The following SLC23A1 variants were observed in gnomAD, a reference collection of about 807,000 sequenced individuals.
SLC23A1 encodes solute carrier family 23 member 1, also known as Na(+)/L-ascorbic acid transporter 1.
In SLC23A1, 31 loss-of-function variants were observed where a neutral mutation model predicts 62.5. That is an observed-to-expected ratio of 0.50 (90% CI 0.37 to 0.67). SLC23A1 has a LOEUF of 0.67. Ranked by LOEUF, SLC23A1 falls within the 30% of genes least tolerant of loss-of-function variation. SLC23A1 has a pLI of 0.00. For missense variants in SLC23A1, 640 were observed against 782.7 expected (o/e 0.82, Z 2.18); for synonymous variants, 271 against 313.2 (o/e 0.87, Z 1.42).
chr5:139,372,340 T>C (rs1757714979), intron 13 of SLC23A1, 87 bp from the exon 14 acceptor site: 3 of 1,229,586 alleles, frequency 2.4e-6, no homozygotes, highest in East Asian at 4.7e-5. Context: ...GGCAGACTTC[T>C]GGAATCAAGT....
chr5:139,380,487 C>T (rs753890175), intron 5 of SLC23A1, 78 bp downstream of exon 5: 1 of 1,596,698 alleles, frequency 6.3e-7, no homozygotes, highest in Non-Finnish European at 8.6e-7. Context: ...CTCAAATCCC[C>T]AAACTCAGCG....
intron 14 of SLC23A1, among the ~76,000 whole-genome samples, chr5:139,367,969 C>T (rs905300471): frequency 2.0e-5 from 3 of 150,976 alleles, no homozygotes; most frequent in African/African-American, 2.4e-5. Flanking sequence ...TTTAGGAGGC[C>T]GAGGCAGGCA....
rs973230835 is a variant in SLC23A1 at position 139,379,653 on chromosome 5, G to A, written c.925+25C>T. 1.9e-6 allele frequency: 3 copies of A among 1,591,492 alleles called. No individual in the cohort carries two copies. The highest frequency in any genetic ancestry group is 3.3e-4 in the Middle Eastern group (2 of 6,038). ...TCATAGGTGGTCTCAGTTGGGGGCAGAGGGGCCCAAGGGGTGTTGCTCACA... is the reference window on the plus strand; with the variant it reads ...TCATAGGTGGTCTCAGTTGGGGGCAAAGGGGCCCAAGGGGTGTTGCTCACA... On this transcript the variant is annotated intron_variant, in intron 8 of 14. Coordinates refer to ENST00000348729, the MANE Select transcript of SLC23A1 (RefSeq NM_005847.5). The surrounding 1 kb of genome is among the most constrained non-coding windows in gnomAD (Gnocchi z 4.7).
In SLC23A1 at chr5:139,379,393, G is replaced by A; in HGVS notation, c.926-39C>T. 3.1e-6 allele frequency: 5 copies of A among 1,605,088 alleles called. No individual in the cohort carries two copies. Among genetic ancestry groups the A allele is most frequent in the Non-Finnish European group, 4.3e-6 (5 of 1,172,136 alleles). ...GAGACAGGATGGTGGCTACAGTGAG[G>A]AGACTGTGATGGTTAGGAATAGACA... On this transcript the variant is annotated intron_variant, in intron 8 of 14. Transcript: ENST00000348729. The surrounding 1 kb of genome is among the most constrained non-coding windows in gnomAD (Gnocchi z 4.7).
intron 13 of SLC23A1, 134 bp downstream of exon 13, chr5:139,377,268 C>A (rs1757991756): frequency 1.5e-6 from 1 of 649,914 alleles, no homozygotes. Flanking sequence ...CTCCACCAGC[C>A]CATCTATTCC....
intron 13 of SLC23A1, among the ~76,000 whole-genome samples, chr5:139,375,164 A>C (rs1036839195): frequency 2.0e-5 from 3 of 152,208 alleles, no homozygotes; most frequent in African/African-American, 7.2e-5. Context: ...TGTGGCTGTG[A>C]TCAGGCTGGT....
At position 139,383,210 on chromosome 5, in the gene SLC23A1, C is replaced by T; in HGVS notation, c.36+8G>A. 2.6e-6 allele frequency: 4 copies of T among 1,544,688 alleles called. No individual in the cohort carries two copies. The South Asian group carries it at 4.7e-5, about 18-fold the overall frequency. On this transcript the variant is annotated splice_region_variant and intron_variant, in intron 1 of 14. Transcript: ENST00000348729. ...CCCCCCCTAGCCCCCACCCCCAGCC[C>T]CCAGCACCTGTGTCCGGCCCTCGAG...
rs1378004239 is a variant in SLC23A1 at position 139,378,514 on chromosome 5, G to A, written c.1179+65C>T. 1.4e-6 allele frequency: 2 copies of A among 1,452,280 alleles called. No homozygotes were observed. Among genetic ancestry groups the A allele is most frequent in the African/African-American group, 2.8e-5 (2 of 71,046 alleles). The allele number at this position is 1,452,280 out of a possible 1,614,324, so 90.0% of individuals were successfully genotyped here. On this transcript the variant is annotated intron_variant, in intron 10 of 14. Transcript: ENST00000348729. This position sits in a 1 kb window ranked among gnomAD's most constrained non-coding sequence, Gnocchi z 4.5. ...GTGGGGCTAAACCAAAGTGGGGACC[G>A]AGTTGGGGCGGGGCCTGCGGCCCAC... is the stretch of plus-strand genomic sequence containing the variant.
At chr5:139,371,941 G>T in intron 14 of SLC23A1, 46 bp downstream of exon 14, 3 of 1,459,896 alleles carry the variant, frequency 2.1e-6, no homozygotes, top group Non-Finnish European at 2.8e-6. Flanking sequence ...GCATAAGAAT[G>T]TTTTGATTAT....
intron 13 of SLC23A1, among the ~76,000 whole-genome samples, chr5:139,375,783 C>A (rs1057034307): frequency 6.7e-6 from 1 of 148,964 alleles, no homozygotes; most frequent in African/African-American, 2.5e-5. Flanking sequence ...GGCAGTGAGC[C>A]GAGATCACGC....
chr5:139,372,239 GCTC>G lies in SLC23A1; in HGVS notation c.1561_1563del (p.Glu521del). 1.2e-6 allele frequency: 2 copies of G among 1,613,050 alleles called. No homozygotes were observed. Among genetic ancestry groups the G allele is most frequent in the East Asian group, 2.2e-5 (1 of 44,880 alleles). On this transcript the variant is annotated inframe_deletion, in exon 14 of 15. Transcript: ENST00000348729. Reference sequence around the variant, plus strand: ...CCAGCTTTCCACTGTATCAGACCACGCTCCTCTGGGCTCCCTGGAAGAGGATAG... The same window carrying G: ...CCAGCTTTCCACTGTATCAGACCACGCTCTGGGCTCCCTGGAAGAGGATAG...
chr5:139,382,716 G>A lies in SLC23A1; in HGVS notation c.37-111C>T, dbSNP rs780275299. On this transcript the variant is annotated intron_variant, in intron 1 of 14. Coordinates refer to ENST00000348729, the MANE Select transcript of SLC23A1 (RefSeq NM_005847.5). Reference sequence around the variant, plus strand: ...AAGTGGCTTGTCAGCAACTGAGAGCGGGGTTCCCGCCCTCCCCAACAGTCC... The same window carrying A: ...AAGTGGCTTGTCAGCAACTGAGAGCAGGGTTCCCGCCCTCCCCAACAGTCC... The A allele has an allele frequency of 2.8e-5, 20 of 714,216 alleles. No individual in the cohort carries two copies. In the African/African-American group the frequency reaches 3.0e-4, roughly 11 times the overall value. The allele number at this position is 714,216 out of a possible 1,614,324, so 44.2% of individuals were successfully genotyped here. A position where few individuals can be genotyped will look rare whatever the true frequency, so the allele number is the denominator to read the frequency against.
chr5:139,369,615 G>C (rs1581342268), intron 14 of SLC23A1: 1 of 152,714 alleles, frequency 6.5e-6, no homozygotes, highest in Middle Eastern at 3.4e-3. Context: ...GGTAGGTTAA[G>C]CTGCCATACG....
In SLC23A1 at chr5:139,372,133, G is replaced by A. The variant is rs748446580; in HGVS notation, c.1670C>T (p.Thr557Ile). 6.2e-7 allele frequency: 1 copy of A among 1,613,750 alleles called. No individual in the cohort carries two copies. The highest frequency in any genetic ancestry group is 8.5e-7 in the Non-Finnish European group (1 of 1,179,624). Reference sequence around the variant, plus strand: ...GCAGATAGGAATGTATTTCAGAAAGGTAATTCTTTTTACTATGCCCATCCC... The same window carrying A: ...GCAGATAGGAATGTATTTCAGAAAGATAATTCTTTTTACTATGCCCATCCC... ...PIGMGIVKRI[T>I]FLKYIPICPV... The change falls in exon 14 of 15, where the codon ACC becomes ATC. Residue 557 changes from threonine to isoleucine, a missense_variant. Coordinates refer to ENST00000348729, the MANE Select transcript of SLC23A1 (RefSeq NM_005847.5).
chr5:139,374,867 G>A (rs554043100), intron 13 of SLC23A1, among the ~76,000 whole-genome samples: 2 of 152,248 alleles, frequency 1.3e-5, no homozygotes, highest in Admixed American at 1.3e-4. Context: ...AGGCATTGAG[G>A]CTGCCACTTG....
In SLC23A1 at chr5:139,379,252, G is replaced by A. The variant is rs369048153; in HGVS notation, c.1028C>T (p.Ala343Val). 1 of 1,614,040 alleles carries A rather than the reference G, an allele frequency of 6.2e-7. No homozygotes were observed. The highest frequency in any genetic ancestry group is 1.3e-5 in the African/African-American group (1 of 74,926). Residue 343 changes from alanine to valine, a missense_variant, in exon 9 of 15, where the codon GCC becomes GTC. By Grantham distance (64) the Ala-to-Val change is moderately conservative (BLOSUM62 0). Coordinates refer to ENST00000348729, the MANE Select transcript of SLC23A1 (RefSeq NM_005847.5). This position sits in a 1 kb window ranked among gnomAD's most constrained non-coding sequence, Gnocchi z 4.7. ...IESIGDYYACARLAGAPPPPV... is the reference protein window; with the variant it reads ...IESIGDYYACVRLAGAPPPPV... ...AGGGGGTGGTGCACCAGCCAGGCGG[G>A]CACAGGCGTAGTAATCTCCGATGGA...
At chr5:139,382,345 C>T in intron 2 of SLC23A1, 147 bp downstream of exon 2, 1 of 606,564 alleles carries the variant, frequency 1.6e-6, no homozygotes, top group Non-Finnish European at 2.9e-6. Context: ...AGGATTCAGC[C>T]TCTTCCCGAC....
Position 139,372,033 on chromosome 5 carries a change from T to C in SLC23A1, c.1770A>G (p.Glu590=). The C allele has an allele frequency of 6.2e-7, 1 of 1,613,870 alleles. No homozygotes were observed. Among genetic ancestry groups the C allele is most frequent in the Non-Finnish European group, 8.5e-7 (1 of 1,179,714 alleles). The change falls in exon 14 of 15, where the codon GAA becomes GAG. Residue 590 remains glutamate (E), a synonymous_variant. Transcript: ENST00000348729. ...AGACCTTGGTGCACACAGATGCAGT[T>C]TCTGTATTTTCTGGAGTGTCTTCTG... ...AIPEDTPENT[E]TASVCTKV
chr5:139,378,687 G>C lies in SLC23A1; in HGVS notation c.1074-3C>G. 1 of 1,600,678 alleles carries C rather than the reference G, an allele frequency of 6.2e-7. No homozygotes were observed. Among genetic ancestry groups the C allele is most frequent in the South Asian group, 1.1e-5 (1 of 88,950 alleles). ...AAATGCCTTCGGTGAAGATGCCCCT[G>C]TAAGGAAAGGGAGAGTCGGGGCTTG... On this transcript the variant is annotated splice_polypyrimidine_tract_variant and splice_region_variant and intron_variant, in intron 9 of 14. Coordinates refer to ENST00000348729, the MANE Select transcript of SLC23A1 (RefSeq NM_005847.5). The surrounding 1 kb of genome is among the most constrained non-coding windows in gnomAD (Gnocchi z 4.5).
Sources: allele counts gnomAD v4.1 joint callset (sites outside exome capture counted in the v4.1 genomes callset), GRCh38; gene constraint gnomAD v4.1.1; non-coding constraint Gnocchi (gnomAD v3.1); transcripts MANE v1.5; gene names NCBI Gene and HGNC (gene_info 2026-07-23, HGNC 2026-07-21).